Variants in SPECC1 observed in about 807,000 individuals in gnomAD.
SPECC1 encodes cytospin-B.
SPECC1 carries 62 observed loss-of-function variants against 104.1 expected under a neutral mutation model. The observed-to-expected ratio is 0.60, with a 90% CI of 0.49 to 0.74. The LOEUF is 0.74. Ranked by LOEUF, SPECC1 falls within the 30% of genes least tolerant of loss-of-function variation. The pLI is 0.00. For synonymous variants in SPECC1, 513 were observed against 501.6 expected (o/e 1.02, Z -0.30); for missense variants, 1,306 against 1,310.5 (o/e 1.00, Z 0.05).
In SPECC1 at chr17:20,318,166, T is replaced by C. The variant is rs1183637621; in HGVS notation, c.*4101T>C. ...GAAGATCCTTTTTTTAATGTATCAT[T>C]TTTACATGAAAGACAGCTGCAAAAT... On this transcript the variant is annotated 3_prime_UTR_variant, in exon 15 of 15. Coordinates refer to ENST00000395527, the MANE Select transcript of SPECC1 (RefSeq NM_001243439.2). 4.3e-6 allele frequency: 1 copy of C among 231,230 alleles called. No homozygotes were observed. Among genetic ancestry groups the C allele is most frequent in the Non-Finnish European group, 8.6e-6 (1 of 116,900 alleles). 14.3% of individuals were successfully genotyped at this position (231,230 alleles called of 1,614,324 possible).
chr17:20,140,549 T>A (rs2030649372), intron 3 of SPECC1, among the ~76,000 whole-genome samples: 1 of 152,224 alleles, frequency 6.6e-6, no homozygotes, highest in African/African-American at 2.4e-5. Context: ...GTTATGGAAA[T>A]AAATTTGCAA....
chr17:20,151,245 C>A (rs994372875), intron 3 of SPECC1, among the ~76,000 whole-genome samples: 1 of 152,078 alleles, frequency 6.6e-6, no homozygotes, highest in African/African-American at 2.4e-5. Context: ...GAATTTTGAT[C>A]TTTTACCAGG....
At chr17:20,279,483 C>T (rs547318519) in intron 12 of SPECC1, among the ~76,000 whole-genome samples, 26 of 151,908 alleles carry the variant, frequency 1.7e-4, no homozygotes, top group Non-Finnish European at 3.2e-4. Context: ...CCACCATGCC[C>T]GGCTAATTTT....
At chr17:20,253,042 T>G (rs1383897420) in intron 9 of SPECC1, among the ~76,000 whole-genome samples, 4 of 108,068 alleles carry the variant, frequency 3.7e-5, no homozygotes, top group Non-Finnish European at 6.1e-5. Context: ...TCTTTTTCAG[T>G]TTTTTTTTTT....
intron 3 of SPECC1, among the ~76,000 whole-genome samples, chr17:20,162,405 C>CA (rs772597835): frequency 6.6e-6 from 1 of 152,126 alleles, no homozygotes; most frequent in Non-Finnish European, 1.5e-5. Flanking sequence ...CTTGGACCCC[C>CA]AAAGTGCTGG....
chr17:20,300,075 G>A (rs1286533525), intron 13 of SPECC1, among the ~76,000 whole-genome samples: 3 of 152,244 alleles, frequency 2.0e-5, no homozygotes, highest in Admixed American at 2.0e-4. Flanking sequence ...ACCACATCAT[G>A]TGTGGCTGCC....
chr17:20,105,201 C>T (rs1244468764), intron 2 of SPECC1, among the ~76,000 whole-genome samples: 11 of 152,004 alleles, frequency 7.2e-5, no homozygotes, highest in African/African-American at 4.8e-5. Context: ...GCGATCCTCC[C>T]GCCTCAGCCT....
intron 12 of SPECC1, among the ~76,000 whole-genome samples, chr17:20,285,089 C>T (rs1276104350): frequency 6.6e-6 from 1 of 152,158 alleles, no homozygotes; most frequent in Non-Finnish European, 1.5e-5. Context: ...TACCCTGCAG[C>T]TTGTCCCCCC....
At chr17:20,094,430 T>C (rs1470903211) in intron 1 of SPECC1, among the ~76,000 whole-genome samples, 5 of 152,222 alleles carry the variant, frequency 3.3e-5, no homozygotes, top group African/African-American at 4.8e-5. Context: ...AGGTGGCTTT[T>C]CCTTCTTTTC....
Position 20,110,541 on chromosome 17 carries a change from A to T in SPECC1, c.262A>T (p.Ser88Cys), listed in dbSNP as rs1223559388. The change falls in exon 3 of 15, where the codon AGC becomes TGC. Residue 88 changes from serine to cysteine, a missense_variant. Around this residue, in one of 2 missense-constraint regions of SPECC1, gnomAD observed 1,177 missense variants for 1,139.9 expected, o/e 1.03. Coordinates refer to ENST00000395527, the MANE Select transcript of SPECC1 (RefSeq NM_001243439.2). Reference sequence around the variant, plus strand: ...CGGAGCCATCTCGGAGCTCACGGAGAGCCGCCTGAGGAGCGGCACAGGTAG... The same window carrying T: ...CGGAGCCATCTCGGAGCTCACGGAGTGCCGCCTGAGGAGCGGCACAGGTAG... ...TAGAISELTE[S>C]RLRSGTGAFT... The T allele has an allele frequency of 6.2e-7, 1 of 1,613,480 alleles. No homozygotes were observed. Among genetic ancestry groups the T allele is most frequent in the Non-Finnish European group, 8.5e-7 (1 of 1,179,888 alleles).
intron 3 of SPECC1, among the ~76,000 whole-genome samples, chr17:20,183,141 T>G (rs897466325): frequency 3.3e-5 from 5 of 152,130 alleles, no homozygotes; most frequent in African/African-American, 1.2e-4. Context: ...ACAAAGGTGT[T>G]CAACATCAGT....
At chr17:20,215,023 G>T (rs1272918098) in intron 4 of SPECC1, among the ~76,000 whole-genome samples, 1 of 152,226 alleles carries the variant, frequency 6.6e-6, no homozygotes. Context: ...GAGCTAACAA[G>T]GATACCCAGG....
chr17:20,216,272 C>G (rs1436043486), intron 4 of SPECC1, among the ~76,000 whole-genome samples: 1 of 152,062 alleles, frequency 6.6e-6, no homozygotes, highest in African/African-American at 2.4e-5. Context: ...TCCCCCCCAC[C>G]CCCAAGCACT....
intron 3 of SPECC1, among the ~76,000 whole-genome samples, chr17:20,196,883 G>A (rs1021817414): frequency 2.6e-5 from 4 of 152,144 alleles, no homozygotes; most frequent in Admixed American, 2.6e-4. Flanking sequence ...TATTTTATCA[G>A]TAATTTTTAA....
intron 3 of SPECC1, among the ~76,000 whole-genome samples, chr17:20,182,536 G>A (rs1416083598): frequency 6.6e-6 from 1 of 152,110 alleles, no homozygotes; most frequent in Non-Finnish European, 1.5e-5. Flanking sequence ...ATAGTTACAA[G>A]TATTGTTGAA....
In SPECC1 at chr17:20,313,375, G is replaced by A. The variant is rs115633213; in HGVS notation, c.3118-601G>A. Among the ~76,000 whole-genome samples, 234 of 152,350 alleles carry A rather than the reference G, an allele frequency of 1.5e-3. 1 individual carries two copies. The highest frequency in any genetic ancestry group is 5.5e-3 in the African/African-American group (228 of 41,578). The stretch of plus-strand genomic sequence containing the variant: ...TCCCACTCAGTAATTTATCTTGAGG[G>A]ACTAGTTCGACAGAAGGAAACAATA... On this transcript the variant is annotated intron_variant, in intron 14 of 14. Coordinates refer to ENST00000395527, the MANE Select transcript of SPECC1 (RefSeq NM_001243439.2).
chr17:20,307,496 G>A (rs2386429), intron 14 of SPECC1, among the ~76,000 whole-genome samples: 107,750 of 152,076 alleles, frequency 0.71, 39,967 homozygotes, highest in East Asian at 0.99. Context: ...GAATGAAAGT[G>A]AAAGGCTCCC....
intron 4 of SPECC1, among the ~76,000 whole-genome samples, chr17:20,206,616 A>G (rs2036796832): frequency 6.6e-6 from 1 of 152,198 alleles, no homozygotes; most frequent in African/African-American, 2.4e-5. Flanking sequence ...CTGTTGTTGA[A>G]CATACATGTA....
chr17:20,122,449 G>A (rs1470961550), intron 3 of SPECC1, among the ~76,000 whole-genome samples: 1 of 152,130 alleles, frequency 6.6e-6, no homozygotes, highest in Non-Finnish European at 1.5e-5. Flanking sequence ...ATTCTGAAGG[G>A]GAGAGCCAGC....
Sources: allele counts gnomAD v4.1 joint callset (sites outside exome capture counted in the v4.1 genomes callset), GRCh38; gene constraint gnomAD v4.1.1; regional missense constraint gnomAD v4.1.1; transcripts MANE v1.5; gene names NCBI Gene and HGNC (gene_info 2026-07-23, HGNC 2026-07-21).